The following CLEC16A variants were observed in gnomAD, a reference collection of about 807,000 sequenced individuals.
CLEC16A encodes C-type lectin domain containing 16A.
In CLEC16A, 51 loss-of-function variants were observed where a neutral mutation model predicts 109.5. That is an observed-to-expected ratio of 0.47 (90% CI 0.37 to 0.59). The LOEUF (loss-of-function observed/expected upper bound fraction) is 0.59. CLEC16A is among the 20% of genes least tolerant of loss of function. The pLI, the probability that CLEC16A is intolerant of heterozygous loss-of-function variation, is 0.00. For synonymous variants in CLEC16A, 673 were observed against 564.2 expected (o/e 1.19, Z -2.73); for missense variants, 1,339 against 1,394.0 (o/e 0.96, Z 0.63).
chr16:11,015,578 T>C (rs75481654), intron 11 of CLEC16A, among the ~76,000 whole-genome samples: 158 of 152,336 alleles, frequency 1.0e-3, no homozygotes, highest in Non-Finnish European at 1.9e-3. Context: ...AGCTCTGCGC[T>C]CATCTGCTGA....
At chr16:10,957,341 C>T (rs1015043192) in intron 1 of CLEC16A, among the ~76,000 whole-genome samples, 8 of 152,322 alleles carry the variant, frequency 5.3e-5, no homozygotes, top group East Asian at 1.9e-4. Flanking sequence ...CTGCAGGCCC[C>T]GTGTTAGGCA....
chr16:11,165,262 A>T (rs1483695582), intron 22 of CLEC16A, among the ~76,000 whole-genome samples: 1 of 152,084 alleles, frequency 6.6e-6, no homozygotes, highest in Non-Finnish European at 1.5e-5. Context: ...AGGCTGAAGC[A>T]GGAGGATCAC....
intron 19 of CLEC16A, among the ~76,000 whole-genome samples, chr16:11,077,486 AAAAG>A (rs1374827660): frequency 6.2e-4 from 93 of 151,206 alleles, no homozygotes; most frequent in Admixed American, 9.2e-4. Context: ...AAAAAAAAAA[AAAAG>A]AAAGAAAAGA....
intron 23 of CLEC16A, among the ~76,000 whole-genome samples, chr16:11,167,827 C>T (rs1368780607): frequency 3.3e-5 from 5 of 152,196 alleles, no homozygotes; most frequent in Admixed American, 6.5e-5. Flanking sequence ...CAAGCAGATG[C>T]CACCCCTGTT....
chr16:11,020,272 G>C lies in CLEC16A; in HGVS notation c.1383G>C (p.Thr461=). Residue 461 remains threonine (T), a synonymous_variant, in exon 12 of 24, where the codon ACG becomes ACC. Transcript: ENST00000409790. ...CCTCCGTGCAGGAGCAGAACACCAC[G>C]GACGAGGAGAAAAGCGCCGCCGCCA... ...ASTSVQEQNT[T]DEEKSAAATC... is the part of the protein sequence containing the mutation. 1 of 1,613,796 alleles carries C rather than the reference G, an allele frequency of 6.2e-7. No individual in the cohort carries two copies. The highest frequency in any genetic ancestry group is 1.1e-5 in the South Asian group (1 of 91,054).
intron 19 of CLEC16A, among the ~76,000 whole-genome samples, chr16:11,070,276 T>C (rs945142204): frequency 9.2e-5 from 14 of 152,174 alleles, no homozygotes; most frequent in African/African-American, 3.1e-4. Context: ...TTTCACTGTG[T>C]AGCCAGGATG....
At chr16:11,020,105 GC>G in intron 11 of CLEC16A, 87 bp from the exon 12 acceptor site, 1 of 1,435,854 alleles carries the variant, frequency 7.0e-7, no homozygotes, top group Non-Finnish European at 9.4e-7. Context: ...AGTCATTTAT[GC>G]ATATTTATTC....
chr16:11,137,062 T>A (rs1020942132), intron 22 of CLEC16A, among the ~76,000 whole-genome samples: 1 of 152,208 alleles, frequency 6.6e-6, no homozygotes, highest in African/African-American at 2.4e-5. Flanking sequence ...TGTATTCTAC[T>A]CCATCGTGTG....
At chr16:11,157,035 G>A in intron 22 of CLEC16A, 1 of 1,294,316 alleles carries the variant, frequency 7.7e-7, no homozygotes, top group Non-Finnish European at 1.0e-6. Context: ...AGGACACAGA[G>A]AGAAAGCAAG....
chr16:11,034,844 G>A (rs574132962), intron 13 of CLEC16A, among the ~76,000 whole-genome samples: 2 of 152,248 alleles, frequency 1.3e-5, no homozygotes, highest in African/African-American at 4.8e-5. Context: ...GAAGCTATTG[G>A]GTTTGCAGCA....
intron 19 of CLEC16A, among the ~76,000 whole-genome samples, chr16:11,078,400 G>T (rs1043283181): frequency 6.6e-6 from 1 of 152,226 alleles, no homozygotes; most frequent in African/African-American, 2.4e-5. Context: ...TCAGCACTCA[G>T]TGTCTGCTTT....
At chr16:11,141,207 A>C (rs997625415) in intron 22 of CLEC16A, among the ~76,000 whole-genome samples, 1 of 152,238 alleles carries the variant, frequency 6.6e-6, no homozygotes, top group Admixed American at 6.5e-5. Flanking sequence ...GGGCTCTGCC[A>C]GCCATATGGA....
chr16:11,124,686 A>T (rs2052674882), intron 21 of CLEC16A, among the ~76,000 whole-genome samples: 1 of 152,180 alleles, frequency 6.6e-6, no homozygotes, highest in Non-Finnish European at 1.5e-5. Flanking sequence ...CTTTCTCAAG[A>T]TACCCAGTGC....
intron 23 of CLEC16A, among the ~76,000 whole-genome samples, chr16:11,172,132 A>G (rs1360453638): frequency 2.0e-5 from 3 of 151,772 alleles, no homozygotes; most frequent in Admixed American, 6.6e-5. Flanking sequence ...ACACATACAC[A>G]GTCACACATG....
At chr16:11,168,691 C>T (rs2068376181) in intron 23 of CLEC16A, among the ~76,000 whole-genome samples, 1 of 152,270 alleles carries the variant, frequency 6.6e-6, no homozygotes, top group Non-Finnish European at 1.5e-5. Context: ...ATCTCCCTCC[C>T]AGTCCACCCA....
rs551474443 is a variant in CLEC16A at position 11,003,018 on chromosome 16, A to T, written c.1072-56A>T. On this transcript the variant is annotated intron_variant, in intron 10 of 23. Coordinates refer to ENST00000409790, the MANE Select transcript of CLEC16A (RefSeq NM_015226.3). The stretch of plus-strand genomic sequence containing the variant: ...AGAAACTTTTGGGCAACTTGATAGC[A>T]TCCAGCAGGATTCTAGTGTTCAAAT... 219 of 1,429,156 alleles carry T rather than the reference A, an allele frequency of 1.5e-4. No homozygotes were observed. The South Asian group carries it at 2.8e-3, about 19-fold the overall frequency. 88.5% of individuals were successfully genotyped at this position (1,429,156 alleles called of 1,614,324 possible).
At chr16:10,965,524 C>T (rs1470291553) in intron 3 of CLEC16A, among the ~76,000 whole-genome samples, 1 of 152,178 alleles carries the variant, frequency 6.6e-6, no homozygotes, top group Non-Finnish European at 1.5e-5. Flanking sequence ...GTAACCCTGC[C>T]TGGTTTGGTT....
intron 13 of CLEC16A, among the ~76,000 whole-genome samples, chr16:11,033,095 G>A (rs1009506768): frequency 3.3e-5 from 5 of 152,104 alleles, no homozygotes; most frequent in Admixed American, 1.3e-4. Flanking sequence ...CTGGGGAGTA[G>A]AGGAAACTGG....
intron 1 of CLEC16A, among the ~76,000 whole-genome samples, chr16:10,953,306 G>C (rs2041825779): frequency 6.6e-6 from 1 of 152,218 alleles, no homozygotes; most frequent in South Asian, 2.1e-4. Flanking sequence ...ATGGTGCTGG[G>C]TCAAGTAGAT....
Sources: gnomAD v4.1 joint callset for allele counts (sites outside exome capture counted in the v4.1 genomes callset) on GRCh38, gnomAD v4.1.1 for gene constraint, MANE v1.5 for transcripts, NCBI Gene and HGNC (gene_info 2026-07-23, HGNC 2026-07-21) for gene names.